PRKAG2: variants seen among roughly 807,000 people sequenced by gnomAD.
PRKAG2 encodes the protein 5'-AMP-activated protein kinase subunit gamma-2.
A neutral mutation model predicts 69.6 loss-of-function variants in PRKAG2; 26 were observed. That is an observed-to-expected ratio of 0.37 (90% CI 0.27 to 0.52). The LOEUF (loss-of-function observed/expected upper bound fraction) is 0.52, where lower values mean the gene tolerates loss of function less well. Ranked by LOEUF, PRKAG2 falls within the 20% of genes least tolerant of loss-of-function variation. The pLI is 0.90. For missense variants in PRKAG2, 557 were observed against 740.0 expected (o/e 0.75, Z 2.87); for synonymous variants, 293 against 285.0 (o/e 1.03, Z -0.28).
In PRKAG2 at chr7:151,583,808, A is replaced by G. The variant is rs1811030039; in HGVS notation, c.865-7356T>C. ...CAACACATTTCAAAGCAAATGTGAT[A>G]ATTAGATAAGAAAAGATGGGAAATA... On this transcript the variant is annotated intron_variant, in intron 6 of 15. Coordinates refer to ENST00000287878, the MANE Select transcript of PRKAG2 (RefSeq NM_016203.4). The surrounding 1 kb of genome is among the most constrained non-coding windows in gnomAD (Gnocchi z 4.1). Among the ~76,000 whole-genome samples the G allele has an allele frequency of 6.6e-6, 1 of 152,214 alleles. No individual in the cohort carries two copies. Among genetic ancestry groups the G allele is most frequent in the Non-Finnish European group, 1.5e-5 (1 of 68,036 alleles).
intron 3 of PRKAG2, among the ~76,000 whole-genome samples, chr7:151,722,660 C>T (rs148149555): frequency 6.6e-6 from 1 of 152,062 alleles, no homozygotes; most frequent in Non-Finnish European, 1.5e-5. Flanking sequence ...GGACATGCAG[C>T]CCCATGCTCT....
chr7:151,623,831 C>T (rs551096348), intron 5 of PRKAG2, among the ~76,000 whole-genome samples: 105 of 152,136 alleles, frequency 6.9e-4, no homozygotes, highest in African/African-American at 2.4e-3. Context: ...TATGTATAAG[C>T]TTCAAAGCTA....
At chr7:151,679,916 T>A (rs1262385384) in intron 3 of PRKAG2, among the ~76,000 whole-genome samples, 3 of 142,064 alleles carry the variant, frequency 2.1e-5, no homozygotes, top group Non-Finnish European at 4.7e-5. Flanking sequence ...AAAAAAAAAA[T>A]TGGCCAGATA....
Position 151,621,775 on chromosome 7 carries a change from A to G in PRKAG2, c.754+10294T>C, listed in dbSNP as rs149276181. ...TTTTTTGTTGAGATGGGGTTTCGCC[A>G]TGGTGCCCAGGCTGGTCTTGAACTG... is the stretch of plus-strand genomic sequence containing the variant. On this transcript the variant is annotated intron_variant, in intron 5 of 15. Coordinates refer to ENST00000287878, the MANE Select transcript of PRKAG2 (RefSeq NM_016203.4). 6.4e-4 allele frequency among the ~76,000 whole-genome samples: 98 copies of G among 151,970 alleles called. 1 individual carries two copies. The East Asian group carries it at 0.013, about 20-fold the overall frequency.
At chr7:151,624,237 C>A (rs9801653) in intron 5 of PRKAG2, among the ~76,000 whole-genome samples, 27,428 of 151,208 alleles carry the variant, frequency 0.18, 3,264 homozygotes, top group African/African-American at 0.33. Context: ...CAGTGATGCC[C>A]TCATGGTTCA....
In PRKAG2 at chr7:151,828,716, T is replaced by A. The variant is rs1197601795; in HGVS notation, c.115-42175A>T. Among the ~76,000 whole-genome samples the A allele has an allele frequency of 1.3e-5, 2 of 151,446 alleles. No individual in the cohort carries two copies. Among genetic ancestry groups the A allele is most frequent in the Non-Finnish European group, 2.9e-5 (2 of 67,912 alleles). ...TGGGAGGACTGCTTGAGCTCGGGAG[T>A]TTGAGACCAGACTGGACAACACAGC... On this transcript the variant is annotated intron_variant, in intron 1 of 15. Transcript: ENST00000287878. This position sits in a 1 kb window ranked among gnomAD's most constrained non-coding sequence, Gnocchi z 4.6.
chr7:151,626,170 G>C lies in PRKAG2; in HGVS notation c.754+5899C>G, dbSNP rs1026135188. 2.0e-5 allele frequency among the ~76,000 whole-genome samples: 3 copies of C among 152,190 alleles called. No homozygotes were observed. The East Asian group carries it at 5.8e-4, about 29-fold the overall frequency. On this transcript the variant is annotated intron_variant, in intron 5 of 15. Transcript: ENST00000287878. ...CCAGCTGGTTCCAGTTACTTGCGAAGACTGGTGACGAGTCCCACTTACCAA... is the reference window on the plus strand; with the variant it reads ...CCAGCTGGTTCCAGTTACTTGCGAACACTGGTGACGAGTCCCACTTACCAA...
chr7:151,695,093 TA>T (rs768042378), intron 3 of PRKAG2, among the ~76,000 whole-genome samples: 32 of 152,168 alleles, frequency 2.1e-4, no homozygotes, highest in Non-Finnish European at 4.1e-4. Flanking sequence ...CTGCCAAGGG[TA>T]ATGTGACATT....
intron 5 of PRKAG2, among the ~76,000 whole-genome samples, chr7:151,629,206 G>C (rs1409756701): frequency 1.3e-5 from 2 of 152,264 alleles, no homozygotes; most frequent in East Asian, 1.9e-4. Flanking sequence ...ACCCGCAAAG[G>C]CTAAAATATT....
At chr7:151,616,759 A>T (rs1198543967) in intron 5 of PRKAG2, among the ~76,000 whole-genome samples, 15 of 152,238 alleles carry the variant, frequency 9.9e-5, no homozygotes, top group Admixed American at 9.8e-4. Flanking sequence ...CTGAAAGAAG[A>T]AGTGTTTGAG....
At position 151,632,109 on chromosome 7, in the gene PRKAG2, C is replaced by A. The variant is rs1437570539; in HGVS notation, c.714G>T (p.Ala238=). ...AAALAAALGP[A]EAGMLEKLEF... Reference sequence around the variant, plus strand: ...CCAGCTTCTCCAGCATGCCGGCTTCCGCGGGTCCCAGGGCCGCCGCCAGCG... The same window carrying A: ...CCAGCTTCTCCAGCATGCCGGCTTCAGCGGGTCCCAGGGCCGCCGCCAGCG... The change falls in exon 5 of 16, where the codon GCG becomes GCT. Residue 238 remains alanine (A), a synonymous_variant. Transcript: ENST00000287878. The surrounding 1 kb of genome is among the most constrained non-coding windows in gnomAD (Gnocchi z 4.2). 2.1e-6 allele frequency: 3 copies of A among 1,415,012 alleles called. No homozygotes were observed. The highest frequency in any genetic ancestry group is 3.1e-5 in the East Asian group (1 of 31,856). The allele number at this position is 1,415,012 out of a possible 1,614,324, so 87.7% of individuals were successfully genotyped here. A position where few individuals can be genotyped will look rare whatever the true frequency, so the allele number is the denominator to read the frequency against.
chr7:151,646,005 A>G (rs1827496743), intron 4 of PRKAG2, among the ~76,000 whole-genome samples: 1 of 152,208 alleles, frequency 6.6e-6, no homozygotes, highest in African/African-American at 2.4e-5. Context: ...TTTAAAATCA[A>G]TTGACCATAT....
Position 151,737,379 on chromosome 7 carries a change from A to G in PRKAG2, c.466+43773T>C, listed in dbSNP as rs1487861697. The stretch of plus-strand genomic sequence containing the variant: ...AAAAGAGAGATTTAGCCTAGTTCCA[A>G]CAGTCTGAACCTCTCATGGTAACTG... On this transcript the variant is annotated intron_variant, in intron 3 of 15. Transcript: ENST00000287878. Among the ~76,000 whole-genome samples the G allele has an allele frequency of 2.7e-5, 4 of 150,912 alleles. No individual in the cohort carries two copies. In the East Asian group the frequency reaches 5.9e-4, roughly 22 times the overall value.
intron 3 of PRKAG2, among the ~76,000 whole-genome samples, chr7:151,676,244 G>A (rs1832924328): frequency 6.6e-6 from 1 of 150,608 alleles, no homozygotes; most frequent in East Asian, 2.0e-4. Flanking sequence ...TATCTGAGGA[G>A]GGGGAGGGGG....
intron 4 of PRKAG2, among the ~76,000 whole-genome samples, chr7:151,656,886 C>T (rs1051802005): frequency 6.6e-6 from 1 of 152,004 alleles, no homozygotes; most frequent in Non-Finnish European, 1.5e-5. Context: ...CCTGTAATTC[C>T]AGCACTTTGG....
At chr7:151,697,208 A>T (rs902831515) in intron 3 of PRKAG2, among the ~76,000 whole-genome samples, 3 of 152,034 alleles carry the variant, frequency 2.0e-5, no homozygotes, top group Non-Finnish European at 2.9e-5. Flanking sequence ...GTGTGTAGGG[A>T]GCTGCACACC....
intron 3 of PRKAG2, among the ~76,000 whole-genome samples, chr7:151,687,417 G>A (rs4726084): frequency 0.2 from 29,692 of 152,100 alleles, 2,949 homozygotes; most frequent in Middle Eastern, 0.25. Context: ...CAATGGTTTC[G>A]GAAAAACAAT....
rs925971433 is a variant in PRKAG2 at position 151,876,936 on chromosome 7, A to T, written c.-316T>A. 6.6e-6 allele frequency: 3 copies of T among 456,114 alleles called. No individual in the cohort carries two copies. Among genetic ancestry groups the T allele is most frequent in the African/African-American group, 5.9e-5 (3 of 50,630 alleles). 28.3% of individuals were successfully genotyped at this position (456,114 alleles called of 1,614,324 possible). On this transcript the variant is annotated 5_prime_UTR_variant, in exon 1 of 16. Coordinates refer to ENST00000287878, the MANE Select transcript of PRKAG2 (RefSeq NM_016203.4). ...GGTGACAAAGTTTTCTTCCTTTTGC[A>T]AAGCTAAGAAACATTTTCCACCCTC...
rs1024632723 is a variant in PRKAG2, at chr7:151,567,567, C to G, written c.1233+1149G>C. Among the ~76,000 whole-genome samples the G allele has an allele frequency of 1.3e-5, 2 of 152,122 alleles. No homozygotes were observed. The highest frequency in any genetic ancestry group is 1.3e-4 in the Admixed American group (2 of 15,278). On this transcript the variant is annotated intron_variant, in intron 11 of 15. Coordinates refer to ENST00000287878, the MANE Select transcript of PRKAG2 (RefSeq NM_016203.4). This position sits in a 1 kb window ranked among gnomAD's most constrained non-coding sequence, Gnocchi z 4.2. ...TCCTATTAAACTTCAACTACTAAAG[C>G]GGCTGCATTCCCAGATGTCCAGTCT...
Sources: gnomAD v4.1 joint callset for allele counts (sites outside exome capture counted in the v4.1 genomes callset) on GRCh38, gnomAD v4.1.1 for gene constraint, Gnocchi (gnomAD v3.1) non-coding constraint, MANE v1.5 for transcripts, NCBI Gene and HGNC (gene_info 2026-07-23, HGNC 2026-07-21) for gene names.